The following KLK3 variants were observed in gnomAD, a reference collection of about 807,000 sequenced individuals.
KLK3 encodes kallikrein related peptidase 3.
KLK3 carries 23 observed loss-of-function variants against 27.7 expected under a neutral mutation model. That is an observed-to-expected ratio of 0.83 (90% CI 0.60 to 1.17). KLK3 has a LOEUF of 1.17. KLK3 is among the 50% of genes most tolerant of loss of function. The pLI is 0.00. For missense variants in KLK3, 322 were observed against 338.1 expected (o/e 0.95, Z 0.37); for synonymous variants, 142 against 134.2 (o/e 1.06, Z -0.40).
chr19:50,855,025 GA>G (rs1177589375), intron 1 of KLK3, 24 bp downstream of exon 1: 17 of 1,612,796 alleles, frequency 1.1e-5, no homozygotes, highest in African/African-American at 1.3e-5. Context: ...TGGTTGGGGG[GA>G]TGCAGGAGAG....
intron 2 of KLK3, 194 bp downstream of exon 2, chr19:50,856,593 T>G: frequency 1.7e-6 from 1 of 580,392 alleles, no homozygotes; most frequent in Non-Finnish European, 3.0e-6. Flanking sequence ...TCTCCATCTG[T>G]GTTCCTCTAT....
rs376934756 is a variant in KLK3, at chr19:50,858,539, G to T, written c.574G>T (p.Val192Leu). 1.1e-5 allele frequency: 18 copies of T among 1,614,094 alleles called. No homozygotes were observed. The Admixed American group carries it at 1.7e-4, about 15-fold the overall frequency. ...GTGTGCGCAAGTTCACCCTCAGAAG[G>T]TGACCAAGTTCATGCTGTGTGCTGG... ...DVCAQVHPQK[V>L]TKFMLCAGRW... The change falls in exon 4 of 5, where the codon GTG (valine) becomes TTG (leucine). Residue 192 changes from valine to leucine, a missense_variant. By Grantham distance (32) the Val-to-Leu change is conservative. Transcript: ENST00000326003.
intron 4 of KLK3, chr19:50,859,489 C>T: frequency 6.5e-7 from 1 of 1,545,722 alleles, no homozygotes; most frequent in Non-Finnish European, 8.9e-7. Flanking sequence ...GCTCCTGGCC[C>T]TCAGTCTCTC....
chr19:50,858,550 C>T lies in KLK3; in HGVS notation c.585C>T (p.Phe195=), dbSNP rs1383314041. 1 of 1,614,210 alleles carries T rather than the reference C, an allele frequency of 6.2e-7. No homozygotes were observed. The highest frequency in any genetic ancestry group is 1.3e-5 in the African/African-American group (1 of 75,058). ...TTCACCCTCAGAAGGTGACCAAGTTCATGCTGTGTGCTGGACGCTGGACAG... is the reference window on the plus strand; with the variant it reads ...TTCACCCTCAGAAGGTGACCAAGTTTATGCTGTGTGCTGGACGCTGGACAG... ...AQVHPQKVTK[F]MLCAGRWTGG... is the part of the protein sequence containing the mutation. The change falls in exon 4 of 5, where the codon TTC becomes TTT. Residue 195 remains phenylalanine (F), a synonymous_variant. Transcript: ENST00000326003.
Position 50,858,497 on chromosome 19 carries a change from G to A in KLK3, c.532G>A (p.Val178Ile). The change falls in exon 4 of 5, where the codon GTT becomes ATT. Residue 178 changes from valine (V) to isoleucine (I), a missense_variant. Coordinates refer to ENST00000326003, the MANE Select transcript of KLK3 (RefSeq NM_001648.2). The stretch of plus-strand genomic sequence containing the variant: ...GAAACTTCAGTGTGTGGACCTCCAT[G>A]TTATTTCCAATGACGTGTGTGCGCA... ...PKKLQCVDLH[V>I]ISNDVCAQVH... The A allele has an allele frequency of 6.2e-7, 1 of 1,614,212 alleles. No homozygotes were observed. The highest frequency in any genetic ancestry group is 2.2e-5 in the East Asian group (1 of 44,886).
chr19:50,856,479 C>A, intron 2 of KLK3, 80 bp downstream of exon 2: 3 of 1,521,908 alleles, frequency 2.0e-6, no homozygotes, highest in Non-Finnish European at 1.8e-6. Flanking sequence ...CCAGGATAAC[C>A]TCTAAGGCCA....
chr19:50,855,076 C>G (rs777642061), intron 1 of KLK3, 75 bp downstream of exon 1: 56 of 1,507,600 alleles, frequency 3.7e-5, no homozygotes, highest in Admixed American at 1.2e-4. Flanking sequence ...TCTTTCCCCC[C>G]CAACCCAGCA....
chr19:50,856,657 T>C (rs1228390988), intron 2 of KLK3: 18 of 461,470 alleles, frequency 3.9e-5, no homozygotes, highest in Non-Finnish European at 3.8e-6. Context: ...CGGTTGTGTC[T>C]CTCCGTGTGA....
chr19:50,859,546 C>T (rs1458221916), intron 4 of KLK3: 1 of 1,613,450 alleles, frequency 6.2e-7, no homozygotes, highest in Admixed American at 1.7e-5. Flanking sequence ...ATTCTGATCA[C>T]CGAACTGACC....
At chr19:50,858,705 G>C in intron 4 of KLK3, 110 bp downstream of exon 4, 2 of 1,245,490 alleles carry the variant, frequency 1.6e-6, no homozygotes, top group Non-Finnish European at 2.3e-6. Context: ...CTCCCCAGCT[G>C]TAGCCATGCC....
chr19:50,858,778 T>A, intron 4 of KLK3, 183 bp downstream of exon 4: 1 of 664,626 alleles, frequency 1.5e-6, no homozygotes, highest in Non-Finnish European at 2.6e-6. Context: ...AGGCAATAGG[T>A]TATTCTTACA....
At chr19:50,859,763 C>G in intron 4 of KLK3, 2 of 1,482,790 alleles carry the variant, frequency 1.3e-6, no homozygotes, top group Non-Finnish European at 1.8e-6. Flanking sequence ...CCCTGAAGTC[C>G]CTTCCCCACC....
intron 4 of KLK3, chr19:50,859,737 C>T: frequency 6.6e-7 from 1 of 1,522,626 alleles, no homozygotes; most frequent in Non-Finnish European, 8.9e-7. Context: ...ACCCTCCCCT[C>T]TGCACAGGAG....
chr19:50,855,030 A>G (rs372509461), intron 1 of KLK3, 29 bp downstream of exon 1: 76 of 1,611,488 alleles, frequency 4.7e-5, no homozygotes, highest in Non-Finnish European at 6.1e-5. Context: ...GGGGGGATGC[A>G]GGAGAGGGAG....
intron 2 of KLK3, chr19:50,856,719 C>G (rs2090149826): frequency 3.3e-6 from 1 of 298,746 alleles, no homozygotes; most frequent in Non-Finnish European, 6.2e-6. Context: ...TCCATATCTC[C>G]CCCTCTCTCT....
chr19:50,860,037 A>G lies in KLK3; in HGVS notation c.696A>G (p.Glu232=), dbSNP rs2090174997. ...VLQGITSWGS[E]PCALPERPSL... is the part of the protein sequence containing the mutation. ...AAGGTATCACGTCATGGGGCAGTGAACCATGTGCCCTGCCCGAAAGGCCTT... is the reference window on the plus strand; with the variant it reads ...AAGGTATCACGTCATGGGGCAGTGAGCCATGTGCCCTGCCCGAAAGGCCTT... The change falls in exon 5 of 5, where the codon GAA becomes GAG. Residue 232 remains glutamate (E), a synonymous_variant. Transcript: ENST00000326003. 6.2e-7 allele frequency: 1 copy of G among 1,613,988 alleles called. No individual in the cohort carries two copies. The highest frequency in any genetic ancestry group is 1.3e-5 in the African/African-American group (1 of 74,918).
In KLK3 at chr19:50,858,562, T is replaced by C. The variant is rs910523954; in HGVS notation, c.597T>C (p.Ala199=). Residue 199 remains alanine, a synonymous_variant, in exon 4 of 5, where the codon GCT becomes GCC. Transcript: ENST00000326003. The stretch of plus-strand genomic sequence containing the variant: ...AGGTGACCAAGTTCATGCTGTGTGC[T>C]GGACGCTGGACAGGGGGCAAAAGCA... ...PQKVTKFMLC[A]GRWTGGKSTC... is the part of the protein sequence containing the mutation. 6.2e-7 allele frequency: 1 copy of C among 1,614,208 alleles called. No individual in the cohort carries two copies. Among genetic ancestry groups the C allele is most frequent in the Non-Finnish European group, 8.5e-7 (1 of 1,180,042 alleles).
At chr19:50,856,030 C>T (rs899414781) in intron 1 of KLK3, 9 of 561,224 alleles carry the variant, frequency 1.6e-5, no homozygotes, top group Non-Finnish European at 2.5e-5. Flanking sequence ...GAAGCCTCTC[C>T]ACCAGCACCA....
chr19:50,858,161 A>G lies in KLK3; in HGVS notation c.339A>G (p.Pro113=), dbSNP rs2090160958. The stretch of plus-strand genomic sequence containing the variant: ...TCCTGAAGAATCGATTCCTCAGGCC[A>G]GGTGATGACTCCAGCCACGACCTCA... ...MSLLKNRFLR[P]GDDSSHDLML... Residue 113 remains proline, a synonymous_variant, in exon 3 of 5, where the codon CCA becomes CCG. Transcript: ENST00000326003. 2 of 1,614,084 alleles carry G rather than the reference A, an allele frequency of 1.2e-6. No homozygotes were observed. Among genetic ancestry groups the G allele is most frequent in the Admixed American group, 3.3e-5 (2 of 59,998 alleles).
Sources: gnomAD v4.1 joint callset for allele counts on GRCh38, gnomAD v4.1.1 for gene constraint, MANE v1.5 for transcripts, NCBI Gene and HGNC (gene_info 2026-07-23, HGNC 2026-07-21) for gene names.